The following MAST4 variants were observed in gnomAD, a reference collection of about 807,000 sequenced individuals.
MAST4 encodes the protein microtubule associated serine/threonine kinase family member 4.
In MAST4, 89 loss-of-function variants were observed where a neutral mutation model predicts 162.7. That is an observed-to-expected ratio of 0.55 (90% CI 0.46 to 0.65). MAST4 has a LOEUF of 0.65. Ranked by LOEUF, MAST4 falls within the 30% of genes least tolerant of loss-of-function variation. The pLI is 0.00. For missense variants in MAST4, 3,153 were observed against 3,374.0 expected (o/e 0.93, Z 1.62); for synonymous variants, 1,479 against 1,361.1 (o/e 1.09, Z -1.91).
At position 66,976,385 on chromosome 5, in the gene MAST4, G is replaced by T. The variant is rs558558344; in HGVS notation, c.674+76403G>T. ...TCTGCATATATGATTGGGCCTTCCTGTTCTCTAGTTTACTAAACAGTCATT... is the reference window on the plus strand; with the variant it reads ...TCTGCATATATGATTGGGCCTTCCTTTTCTCTAGTTTACTAAACAGTCATT... On this transcript the variant is annotated intron_variant, in intron 4 of 28. Coordinates refer to ENST00000403625, the MANE Select transcript of MAST4 (RefSeq NM_001164664.2). Among the ~76,000 whole-genome samples, 14 of 152,334 alleles carry T rather than the reference G, an allele frequency of 9.2e-5. No individual in the cohort carries two copies. The East Asian group carries it at 2.7e-3, about 29-fold the overall frequency.
At chr5:66,919,660 G>GAAAAAAAAA (rs56802433) in intron 4 of MAST4, among the ~76,000 whole-genome samples, 6 of 96,838 alleles carry the variant, frequency 6.2e-5, no homozygotes, top group Non-Finnish European at 6.2e-5. Flanking sequence ...CTCCGTCACA[G>GAAAAAAAAA]AAAAAAAAAA....
chr5:66,859,296 T>C (rs1046844866), intron 3 of MAST4, among the ~76,000 whole-genome samples: 2 of 152,224 alleles, frequency 1.3e-5, no homozygotes, highest in African/African-American at 4.8e-5. Flanking sequence ...TTTCTTATTC[T>C]GTCCTCTCTG....
chr5:66,943,180 C>T (rs927654530), intron 4 of MAST4, among the ~76,000 whole-genome samples: 6 of 152,152 alleles, frequency 3.9e-5, no homozygotes, highest in Non-Finnish European at 5.9e-5. Flanking sequence ...TATCAACCCA[C>T]TTAACATTAG....
chr5:66,917,977 C>A (rs1764230235), intron 4 of MAST4, among the ~76,000 whole-genome samples: 1 of 151,968 alleles, frequency 6.6e-6, no homozygotes, highest in South Asian at 2.1e-4. Context: ...TACGTAGAAC[C>A]AAAAATTTAA....
At chr5:66,649,697 C>A (rs1052075243) in intron 1 of MAST4, among the ~76,000 whole-genome samples, 2 of 152,136 alleles carry the variant, frequency 1.3e-5, no homozygotes, top group Non-Finnish European at 2.9e-5. Flanking sequence ...TTTCTGCTGC[C>A]TCTTAGCACT....
At chr5:67,113,082 G>C (rs1203741247) in intron 11 of MAST4, among the ~76,000 whole-genome samples, 1 of 152,182 alleles carries the variant, frequency 6.6e-6, no homozygotes, top group African/African-American at 2.4e-5. Context: ...GGGAGGCCAA[G>C]GTGGGTGGAT....
intron 1 of MAST4, among the ~76,000 whole-genome samples, chr5:66,732,094 A>G (rs1165718181): frequency 1.3e-5 from 2 of 151,738 alleles, no homozygotes; most frequent in Non-Finnish European, 2.9e-5. Context: ...TATCCAGTTC[A>G]CTTCCTAGAC....
chr5:67,049,944 A>G (rs1757965015), intron 4 of MAST4, among the ~76,000 whole-genome samples: 1 of 152,210 alleles, frequency 6.6e-6, no homozygotes, highest in African/African-American at 2.4e-5. Flanking sequence ...GCCAGGAGAC[A>G]AGTGGCAGAC....
chr5:67,077,889 C>T (rs1028946530), intron 5 of MAST4, among the ~76,000 whole-genome samples: 1 of 152,118 alleles, frequency 6.6e-6, no homozygotes, highest in Non-Finnish European at 1.5e-5. Context: ...CACCTGAGGT[C>T]AGGAGTTTGA....
At chr5:66,741,908 A>G (rs1752495723) in intron 1 of MAST4, among the ~76,000 whole-genome samples, 1 of 152,214 alleles carries the variant, frequency 6.6e-6, no homozygotes, top group African/African-American at 2.4e-5. Flanking sequence ...TGGCAGAGGA[A>G]TTCATTGCTT....
intron 3 of MAST4, among the ~76,000 whole-genome samples, chr5:66,886,039 G>T (rs1762017434): frequency 1.3e-5 from 2 of 152,114 alleles, no homozygotes; most frequent in Admixed American, 6.6e-5. Context: ...CACAGAGAGG[G>T]TAGGTAGTTT....
intron 1 of MAST4, among the ~76,000 whole-genome samples, chr5:66,674,715 G>C (rs1227041798): frequency 6.6e-6 from 1 of 152,178 alleles, no homozygotes; most frequent in Non-Finnish European, 1.5e-5. Flanking sequence ...CAGAAGTGGA[G>C]ATAGTCACTT....
intron 1 of MAST4, among the ~76,000 whole-genome samples, chr5:66,684,518 A>C (rs1748522456): frequency 6.6e-6 from 1 of 152,214 alleles, no homozygotes; most frequent in African/African-American, 2.4e-5. Context: ...AAGGAGTCTG[A>C]ATATTTATGT....
chr5:67,095,480 C>T (rs2150821739), intron 6 of MAST4, 117 bp from the exon 7 acceptor site: 1 of 692,002 alleles, frequency 1.4e-6, no homozygotes, highest in South Asian at 2.8e-5. Context: ...TGAACATTTC[C>T]ACATCCTCAC....
intron 4 of MAST4, among the ~76,000 whole-genome samples, chr5:66,943,690 T>C (rs907393994): frequency 3.9e-5 from 6 of 152,108 alleles, no homozygotes; most frequent in African/African-American, 1.4e-4. Context: ...ATAATTTTAT[T>C]ATCTCTTCAG....
rs77637464 is a variant in MAST4 at position 66,799,067 on chromosome 5, C to A, written c.642+10273C>A. Among the ~76,000 whole-genome samples, 29 of 152,278 alleles carry A rather than the reference C, an allele frequency of 1.9e-4. No homozygotes were observed. The East Asian group carries it at 5.4e-3, about 28-fold the overall frequency. ...GACACATTCATCTCCTTGACAGATT[C>A]ACATGATGGAGGGTTGAGGTTTCTC... On this transcript the variant is annotated intron_variant, in intron 3 of 28. Coordinates refer to ENST00000403625, the MANE Select transcript of MAST4 (RefSeq NM_001164664.2).
At chr5:66,704,872 G>A (rs1393666247) in intron 1 of MAST4, among the ~76,000 whole-genome samples, 1 of 152,080 alleles carries the variant, frequency 6.6e-6, no homozygotes, top group Non-Finnish European at 1.5e-5. Context: ...CTTTTCATAT[G>A]TAAGAATCTT....
chr5:66,735,611 C>G (rs1372311091), intron 1 of MAST4, among the ~76,000 whole-genome samples: 1 of 152,072 alleles, frequency 6.6e-6, no homozygotes, highest in African/African-American at 2.4e-5. Context: ...TGCGCTTTGA[C>G]AATTTGTGGA....
intron 3 of MAST4, among the ~76,000 whole-genome samples, chr5:66,820,813 A>G (rs1756957577): frequency 6.6e-6 from 1 of 152,206 alleles, no homozygotes; most frequent in Non-Finnish European, 1.5e-5. Context: ...CCTAGGATGT[A>G]ATTTTTTCAA....
Sources: gnomAD v4.1 joint callset for allele counts (sites outside exome capture counted in the v4.1 genomes callset) on GRCh38, gnomAD v4.1.1 for gene constraint, MANE v1.5 for transcripts, NCBI Gene and HGNC (gene_info 2026-07-23, HGNC 2026-07-21) for gene names.